Variants in SAP130 observed in about 807,000 individuals in gnomAD.
SAP130 encodes the protein Sin3A associated protein 130.
SAP130 carries 16 observed loss-of-function variants against 103.2 expected under a neutral mutation model. The observed-to-expected ratio is 0.16, with a 90% CI of 0.10 to 0.24. The LOEUF (loss-of-function observed/expected upper bound fraction) is 0.24. Among genes scored for constraint, SAP130 ranks in the 10% least tolerant of loss-of-function variants. SAP130 has a pLI of 1.00. For missense variants in SAP130, 990 were observed against 1,359.7 expected (o/e 0.73, Z 4.28); for synonymous variants, 477 against 497.0 (o/e 0.96, Z 0.53).
At chr2:127,985,233 T>C (rs1682289604) in intron 14 of SAP130, among the ~76,000 whole-genome samples, 1 of 152,260 alleles carries the variant, frequency 6.6e-6, no homozygotes, top group South Asian at 2.1e-4. Context: ...CCACAAGCTT[T>C]GCCTTGTGTT....
At position 127,975,076 on chromosome 2, in the gene SAP130, T is replaced by C. The variant is rs144720216; in HGVS notation, c.2063+2909A>G. Among the ~76,000 whole-genome samples, 51 of 152,342 alleles carry C rather than the reference T, an allele frequency of 3.3e-4. 1 individual carries two copies. The South Asian group carries it at 6.4e-3, about 19-fold the overall frequency. ...CCCCATTGTTATGTGGCTAGCTCTA[T>C]GGTCCCCAAATCACCATGTAACTAA... On this transcript the variant is annotated intron_variant, in intron 15 of 20. Transcript: ENST00000643581.
intron 2 of SAP130, among the ~76,000 whole-genome samples, chr2:128,024,523 C>G (rs1205752563): frequency 1.3e-5 from 2 of 151,844 alleles, no homozygotes; most frequent in Admixed American, 6.6e-5. Flanking sequence ...AGACCAGCTT[C>G]GGCAACATTG....
chr2:127,967,418 G>C (rs1216888898), intron 15 of SAP130, among the ~76,000 whole-genome samples: 1 of 152,132 alleles, frequency 6.6e-6, no homozygotes, highest in Non-Finnish European at 1.5e-5. Flanking sequence ...TTCTTTTTTT[G>C]AGACGGAGTC....
intron 18 of SAP130, among the ~76,000 whole-genome samples, chr2:127,946,651 G>A (rs937036719): frequency 1.3e-5 from 2 of 151,874 alleles, no homozygotes; most frequent in Non-Finnish European, 2.9e-5. Context: ...GGGAGGCCGA[G>A]GCAGGTGGAT....
rs1387692529 is a variant in SAP130, at chr2:127,955,804, T to C, written c.2064-460A>G. Among the ~76,000 whole-genome samples, 1 of 152,188 alleles carries C rather than the reference T, an allele frequency of 6.6e-6. No homozygotes were observed. The highest frequency in any genetic ancestry group is 1.5e-5 in the Non-Finnish European group (1 of 68,032). On this transcript the variant is annotated intron_variant, in intron 15 of 20. Coordinates refer to ENST00000643581, the MANE Select transcript of SAP130 (RefSeq NM_001330301.2). This position sits in a 1 kb window ranked among gnomAD's most constrained non-coding sequence, Gnocchi z 4.9. ...CACCCAGCTCTAATACTCTATTCCT[T>C]GACTTTAAAGTTTAACAAAGCAATT...
At chr2:128,011,336 T>G (rs1684383150) in intron 6 of SAP130, among the ~76,000 whole-genome samples, 1 of 152,190 alleles carries the variant, frequency 6.6e-6, no homozygotes. Flanking sequence ...AAAAATAAGC[T>G]CCACACTGGG....
intron 1 of SAP130, 87 bp downstream of exon 1, chr2:128,027,853 G>T: frequency 1.2e-6 from 1 of 861,588 alleles, no homozygotes; most frequent in Non-Finnish European, 1.4e-6. Context: ...CCGGGGACGC[G>T]CAACGGGACG....
At position 128,014,846 on chromosome 2, in the gene SAP130, A is replaced by G; in HGVS notation, c.576T>C (p.Ala192=). 3 of 1,614,168 alleles carry G rather than the reference A, an allele frequency of 1.9e-6. No homozygotes were observed. Among genetic ancestry groups the G allele is most frequent in the Non-Finnish European group, 2.5e-6 (3 of 1,180,012 alleles). ...CTCCAATGTGAAGAGGGGGCCCAGG[A>G]GCATTGCTGCGGATGATAGACATTT... ...NVQMSIIRSN[A]PGPPLHIGAS... is the part of the protein sequence containing the mutation. The change falls in exon 5 of 21, where the codon GCT becomes GCC. Residue 192 remains alanine, a synonymous_variant. Transcript: ENST00000643581.
At position 127,989,953 on chromosome 2, in the gene SAP130, C is replaced by T. The variant is rs1397213103; in HGVS notation, c.1478-87G>A. 7 of 1,210,392 alleles carry T rather than the reference C, an allele frequency of 5.8e-6. No homozygotes were observed. The highest frequency in any genetic ancestry group is 8.1e-6 in the Non-Finnish European group (7 of 865,668). 75.0% of individuals were successfully genotyped at this position (1,210,392 alleles called of 1,614,324 possible). A position where few individuals can be genotyped will look rare whatever the true frequency, so the allele number is the denominator to read the frequency against. ...AGAGAGAAACACTAAAAACGGATTT[C>T]CTCCACTGTATAAGATCTAAATCCA... On this transcript the variant is annotated intron_variant, in intron 12 of 20. Coordinates refer to ENST00000643581, the MANE Select transcript of SAP130 (RefSeq NM_001330301.2). This position sits in a 1 kb window ranked among gnomAD's most constrained non-coding sequence, Gnocchi z 4.6.
At chr2:127,997,538 G>T (rs986325332) in intron 10 of SAP130, among the ~76,000 whole-genome samples, 1 of 152,216 alleles carries the variant, frequency 6.6e-6, no homozygotes, top group East Asian at 1.9e-4. Flanking sequence ...TTTTCGCAGG[G>T]TGATAACAGG....
chr2:127,949,900 G>A lies in SAP130; in HGVS notation c.2766C>T (p.His922=), dbSNP rs377762222. ...YRNPWKAAYH[H]FQRYSDVRVK... Reference sequence around the variant, plus strand: ...CCCGGACGTCACTGTACCTCTGAAAGTGGTGGTAAGCAGCTTTCCAGGGGT... The same window carrying A: ...CCCGGACGTCACTGTACCTCTGAAAATGGTGGTAAGCAGCTTTCCAGGGGT... The change falls in exon 18 of 21, where the codon CAC becomes CAT. Residue 922 remains histidine (H), a synonymous_variant. Coordinates refer to ENST00000643581, the MANE Select transcript of SAP130 (RefSeq NM_001330301.2). 67 of 1,614,080 alleles carry A rather than the reference G, an allele frequency of 4.2e-5. No homozygotes were observed. Among genetic ancestry groups the A allele is most frequent in the Non-Finnish European group, 5.6e-5 (66 of 1,180,036 alleles).
At chr2:128,009,270 G>A (rs1217926813) in intron 7 of SAP130, among the ~76,000 whole-genome samples, 2 of 152,038 alleles carry the variant, frequency 1.3e-5, no homozygotes, top group African/African-American at 2.4e-5. Context: ...AGGAGTTCAC[G>A]ACCAACCTGG....
Position 127,955,146 on chromosome 2 carries a change from A to G in SAP130, c.2262T>C (p.Pro754=), listed in dbSNP as rs1679746579. Residue 754 remains proline, a synonymous_variant, in exon 16 of 21, where the codon CCT becomes CCC. Coordinates refer to ENST00000643581, the MANE Select transcript of SAP130 (RefSeq NM_001330301.2). The surrounding 1 kb of genome is among the most constrained non-coding windows in gnomAD (Gnocchi z 4.9). ...TGGGTGGAGTGATGGGGACCGCTCC[A>G]GGAATGGTTGAAAGGGCAACGGCTG... ...SQPAVALSTI[P]GAVPITPPIT... is the part of the protein sequence containing the mutation. 1 of 1,614,072 alleles carries G rather than the reference A, an allele frequency of 6.2e-7. No homozygotes were observed. The highest frequency in any genetic ancestry group is 1.3e-5 in the African/African-American group (1 of 74,936).
At chr2:128,008,986 T>C (rs1366333480) in intron 7 of SAP130, among the ~76,000 whole-genome samples, 1 of 152,074 alleles carries the variant, frequency 6.6e-6, no homozygotes, top group Admixed American at 6.6e-5. Context: ...TATCTTGCCA[T>C]CACAATCTTA....
At chr2:128,027,601 G>C (rs1195642879) in intron 1 of SAP130, among the ~76,000 whole-genome samples, 1 of 150,174 alleles carries the variant, frequency 6.7e-6, no homozygotes, top group African/African-American at 2.5e-5. Context: ...AACTGCTCCA[G>C]GAGCCAAACT....
chr2:128,010,435 AAT>A (rs752909881), intron 6 of SAP130, 42 bp from the exon 7 acceptor site: 4 of 1,581,248 alleles, frequency 2.5e-6, no homozygotes, highest in Non-Finnish European at 3.5e-6. Context: ...ACAAAAATAA[AAT>A]AGAGGAAGTC....
chr2:127,955,302 C>T lies in SAP130; in HGVS notation c.2106G>A (p.Pro702=), dbSNP rs758520829. The part of the protein sequence containing the change: ...KSEIHVSMAT[P]VTVSMETVSN... Reference sequence around the variant, plus strand: ...ATACAGTCTCCATGGACACAGTGACCGGAGTGGCCATAGACACGTGGATTT... The same window carrying T: ...ATACAGTCTCCATGGACACAGTGACTGGAGTGGCCATAGACACGTGGATTT... The change falls in exon 16 of 21, where the codon CCG becomes CCA. Residue 702 remains proline, a synonymous_variant. Coordinates refer to ENST00000643581, the MANE Select transcript of SAP130 (RefSeq NM_001330301.2). This position sits in a 1 kb window ranked among gnomAD's most constrained non-coding sequence, Gnocchi z 4.9. 20 of 1,600,864 alleles carry T rather than the reference C, an allele frequency of 1.2e-5. No individual in the cohort carries two copies. The highest frequency in any genetic ancestry group is 1.7e-4 in the Middle Eastern group (1 of 6,014).
Position 128,000,140 on chromosome 2 carries a change from T to C in SAP130, c.1024A>G (p.Ile342Val), listed in dbSNP as rs752179581. ...QQLHTMAQKT[I>V]FSTGTPVAAA... ...GCCACTGGCGTGCCAGTACTGAAGATTGTTTTCTGTGAGGGAAACCCCACA... is the reference window on the plus strand; with the variant it reads ...GCCACTGGCGTGCCAGTACTGAAGACTGTTTTCTGTGAGGGAAACCCCACA... The change falls in exon 9 of 21, where the codon ATC becomes GTC. Residue 342 changes from isoleucine (I) to valine (V), a missense_variant. This residue lies in a region of SAP130 where 336 missense variants were observed against 520.1 expected (regional missense o/e 0.65). Transcript: ENST00000643581. 13 of 1,614,074 alleles carry C rather than the reference T, an allele frequency of 8.1e-6. No individual in the cohort carries two copies. In the Admixed American group the frequency reaches 1.5e-4, roughly 19 times the overall value.
chr2:127,995,429 T>C (rs1302003270), intron 11 of SAP130, among the ~76,000 whole-genome samples: 1 of 152,090 alleles, frequency 6.6e-6, no homozygotes, highest in East Asian at 1.9e-4. Context: ...AGCACCAAAA[T>C]AGATGACAGC....
Sources: allele counts gnomAD v4.1 joint callset (sites outside exome capture counted in the v4.1 genomes callset), GRCh38; gene constraint gnomAD v4.1.1; regional missense constraint gnomAD v4.1.1; non-coding constraint Gnocchi (gnomAD v3.1); transcripts MANE v1.5; gene names NCBI Gene and HGNC (gene_info 2026-07-23, HGNC 2026-07-21).